RIMKLA: variants seen among roughly 807,000 people sequenced by gnomAD.
The protein encoded by RIMKLA is N-acetylaspartylglutamate synthase A.
RIMKLA carries 14 observed loss-of-function variants against 32.7 expected under a neutral mutation model. The observed-to-expected ratio is 0.43, with a 90% CI of 0.28 to 0.67. The LOEUF (loss-of-function observed/expected upper bound fraction) is 0.67, where lower values mean the gene tolerates loss of function less well. Among genes scored for constraint, RIMKLA ranks in the 30% least tolerant of loss-of-function variants. RIMKLA has a pLI of 0.18. For missense variants in RIMKLA, 410 were observed against 519.0 expected, an observed-to-expected ratio of 0.79 and a Z score of 2.04; for synonymous variants, 176 against 204.1, an observed-to-expected ratio of 0.86 and a Z score of 1.18.
chr1:42,403,077 T>G (rs907071575), intron 2 of RIMKLA, among the ~76,000 whole-genome samples: 1 of 152,124 alleles, frequency 6.6e-6, no homozygotes, highest in African/African-American at 2.4e-5. Flanking sequence ...AACTAGGAAG[T>G]AAACAAAAAG....
rs762505750 is a variant in RIMKLA, at chr1:42,410,136, T to G, written c.634T>G (p.Ser212Ala). The G allele has an allele frequency of 2.5e-6, 4 of 1,614,020 alleles. No homozygotes were observed. Among genetic ancestry groups the G allele is most frequent in the Admixed American group, 3.3e-5 (2 of 59,988 alleles). ...GGTGGTAGGGGGCCAGGTCATAGGC[T>G]CTATGCTTCGCTGCTCCACTGATGG... ...VVVVGGQVIG[S>A]MLRCSTDGRM... Residue 212 changes from serine to alanine, a missense_variant, in exon 4 of 5, where the codon TCT (serine) becomes GCT (alanine). By Grantham distance (99) the Ser-to-Ala change is moderately conservative. Coordinates refer to ENST00000431473, the MANE Select transcript of RIMKLA (RefSeq NM_173642.4).
chr1:42,416,937 T>C lies in RIMKLA; in HGVS notation c.*1963T>C, dbSNP rs1490583180. ...TGCCACTGAACTGTAACCCTAGTAA[T>C]GTGTCTTGTACAGTTGAAAAATAAT... On this transcript the variant is annotated 3_prime_UTR_variant, in exon 5 of 5. Coordinates refer to ENST00000431473, the MANE Select transcript of RIMKLA (RefSeq NM_173642.4). The C allele has an allele frequency of 6.6e-6, 1 of 152,214 alleles. No homozygotes were observed. Among genetic ancestry groups the C allele is most frequent in the African/African-American group, 2.4e-5 (1 of 41,462 alleles). The allele number at this position is 152,214 out of a possible 1,614,324, so 9.4% of individuals were successfully genotyped here.
At chr1:42,407,827 A>T (rs939153434) in intron 3 of RIMKLA, among the ~76,000 whole-genome samples, 2 of 152,234 alleles carry the variant, frequency 1.3e-5, no homozygotes, top group South Asian at 4.1e-4. Flanking sequence ...GAAATAATAA[A>T]AAATCAAACT....
rs372150019 is a variant in RIMKLA, at chr1:42,414,784, G to A, written c.986G>A (p.Cys329Tyr). The change falls in exon 5 of 5, where the codon TGT becomes TAT. Residue 329 changes from cysteine (C) to tyrosine (Y), a missense_variant. Physicochemically the swap from Cys to Tyr is radical, Grantham distance 194. Coordinates refer to ENST00000431473, the MANE Select transcript of RIMKLA (RefSeq NM_173642.4). ...AGGGAGAAGAACGAGCCGGATGGCT[G>A]TGCTTCAGCTCAGGGAGTTGCAGAG... The part of the protein sequence containing the change: ...SPREKNEPDG[C>Y]ASAQGVAESV... 2.0e-5 allele frequency: 33 copies of A among 1,614,206 alleles called. No individual in the cohort carries two copies. Among genetic ancestry groups the A allele is most frequent in the Non-Finnish European group, 2.5e-5 (30 of 1,180,016 alleles).
chr1:42,415,600 G>A lies in RIMKLA; in HGVS notation c.*626G>A, dbSNP rs912177460. The stretch of plus-strand genomic sequence containing the variant: ...GACTTCACAGGTTGGCAAATGTCCT[G>A]CTTTGTAACTGGGCCTTTCTACAAA... On this transcript the variant is annotated 3_prime_UTR_variant, in exon 5 of 5. Coordinates refer to ENST00000431473, the MANE Select transcript of RIMKLA (RefSeq NM_173642.4). 1 of 152,234 alleles carries A rather than the reference G, an allele frequency of 6.6e-6. No homozygotes were observed. The highest frequency in any genetic ancestry group is 1.5e-5 in the Non-Finnish European group (1 of 68,080). 9.4% of individuals were successfully genotyped at this position (152,234 alleles called of 1,614,324 possible).
chr1:42,388,518 T>G (rs931295065), intron 1 of RIMKLA, among the ~76,000 whole-genome samples: 2 of 38,542 alleles, frequency 5.2e-5, no homozygotes, highest in Non-Finnish European at 1.3e-4. Flanking sequence ...TGAAAGCTTG[T>G]TTTTTTTTTT....
rs1643298909 is a variant in RIMKLA at position 42,421,963 on chromosome 1, C to A, written c.*6989C>A. On this transcript the variant is annotated 3_prime_UTR_variant, in exon 5 of 5. Transcript: ENST00000431473. This position sits in a 1 kb window ranked among gnomAD's most constrained non-coding sequence, Gnocchi z 4.6. ...CACATCTCTTCCCAACCTGAACATTCAGTGACATCACATCAGTAGCTGGGG... is the reference window on the plus strand; with the variant it reads ...CACATCTCTTCCCAACCTGAACATTAAGTGACATCACATCAGTAGCTGGGG... The A allele has an allele frequency of 6.6e-6, 1 of 152,146 alleles. No homozygotes were observed. The highest frequency in any genetic ancestry group is 1.5e-5 in the Non-Finnish European group (1 of 68,028). The allele number at this position is 152,146 out of a possible 1,614,324, so 9.4% of individuals were successfully genotyped here. A position where few individuals can be genotyped will look rare whatever the true frequency, so the allele number is the denominator to read the frequency against.
chr1:42,385,769 T>TTC (rs777161016), intron 1 of RIMKLA, among the ~76,000 whole-genome samples: 13 of 100,372 alleles, frequency 1.3e-4, no homozygotes, highest in Admixed American at 6.5e-4. Context: ...CTTTCTTTCT[T>TTC]TGTTTCTTTG....
At chr1:42,386,061 AC>A (rs1406775872) in intron 1 of RIMKLA, among the ~76,000 whole-genome samples, 2 of 151,548 alleles carry the variant, frequency 1.3e-5, no homozygotes, top group Non-Finnish European at 2.9e-5. Flanking sequence ...ATCTGGGACT[AC>A]AGGCATGTGC....
Position 42,410,088 on chromosome 1 carries a change from C to T in RIMKLA, c.586C>T (p.His196Tyr), listed in dbSNP as rs1367932020. 1 of 1,614,162 alleles carries T rather than the reference C, an allele frequency of 6.2e-7. No homozygotes were observed. The highest frequency in any genetic ancestry group is 1.3e-5 in the African/African-American group (1 of 75,044). The change falls in exon 4 of 5, where the codon CAT becomes TAT. Residue 196 changes from histidine (H) to tyrosine (Y), a missense_variant. His to Tyr is a moderately conservative substitution (Grantham distance 83, BLOSUM62 2). Transcript: ENST00000431473. ...YLFQKYVKES[H>Y]GKDIRVVVVG... is the part of the protein sequence containing the mutation. ...GTTCCAGAAGTACGTGAAGGAGTCC[C>T]ATGGAAAGGACATCCGGGTGGTGGT...
chr1:42,409,490 C>A (rs1436360827), intron 3 of RIMKLA, among the ~76,000 whole-genome samples: 2 of 152,150 alleles, frequency 1.3e-5, no homozygotes, highest in African/African-American at 4.8e-5. Context: ...TTTGGGATCT[C>A]TCTCCATCTA....
Position 42,414,686 on chromosome 1 carries a change from A to G in RIMKLA, c.888A>G (p.Ala296=), listed in dbSNP as rs946247303. ...ACTTAGATGTGGGTGGGATCATTGC[A>G]GACTATACCATGTCCTTGCTGCCAA... is the stretch of plus-strand genomic sequence containing the variant. ...ACNLDVGGII[A]DYTMSLLPNR... is the part of the protein sequence containing the mutation. Residue 296 remains alanine (A), a synonymous_variant, in exon 5 of 5, where the codon GCA becomes GCG. Coordinates refer to ENST00000431473, the MANE Select transcript of RIMKLA (RefSeq NM_173642.4). 1.9e-6 allele frequency: 3 copies of G among 1,614,222 alleles called. No individual in the cohort carries two copies. Among genetic ancestry groups the G allele is most frequent in the Non-Finnish European group, 2.5e-6 (3 of 1,180,034 alleles).
chr1:42,408,613 G>T (rs1395895116), intron 3 of RIMKLA, among the ~76,000 whole-genome samples: 1 of 151,950 alleles, frequency 6.6e-6, no homozygotes, highest in African/African-American at 2.4e-5. Context: ...TAGAGATGGG[G>T]TTTCTCCATG....
chr1:42,381,087 C>A lies in RIMKLA; in HGVS notation c.153C>A (p.Gly51=). 8.0e-7 allele frequency: 1 copy of A among 1,257,840 alleles called. No individual in the cohort carries two copies. The highest frequency in any genetic ancestry group is 1.0e-6 in the Non-Finnish European group (1 of 997,770). 77.9% of individuals were successfully genotyped at this position (1,257,840 alleles called of 1,614,324 possible). A position where few individuals can be genotyped will look rare whatever the true frequency, so the allele number is the denominator to read the frequency against. The change falls in exon 1 of 5, where the codon GGC becomes GGA. Residue 51 remains glycine, a synonymous_variant. Coordinates refer to ENST00000431473, the MANE Select transcript of RIMKLA (RefSeq NM_173642.4). ...ACCAGATCGCCGTCACCATCGTCGG[C>A]GGCCACCTCGGTGAGCGAGGCGGGC... is the stretch of plus-strand genomic sequence containing the variant. ...LMDQIAVTIV[G]GHLGLQLNQK...
At chr1:42,398,906 G>A (rs550779315) in intron 1 of RIMKLA, among the ~76,000 whole-genome samples, 99 of 147,468 alleles carry the variant, frequency 6.7e-4, no homozygotes, top group Non-Finnish European at 1.1e-3. Context: ...GGCAGAGGTC[G>A]CAGTGAGCCA....
intron 1 of RIMKLA, among the ~76,000 whole-genome samples, chr1:42,397,151 A>G (rs1490151105): frequency 6.6e-6 from 1 of 152,150 alleles, no homozygotes; most frequent in Non-Finnish European, 1.5e-5. Flanking sequence ...TATTGTAATG[A>G]TTGTTCCTAC....
intron 1 of RIMKLA, among the ~76,000 whole-genome samples, chr1:42,393,415 T>C (rs1161040716): frequency 6.6e-6 from 1 of 152,250 alleles, no homozygotes; most frequent in Non-Finnish European, 1.5e-5. Flanking sequence ...TTCAACTTTG[T>C]ATTCCTGCTT....
chr1:42,383,655 A>G (rs1642910614), intron 1 of RIMKLA, among the ~76,000 whole-genome samples: 1 of 152,218 alleles, frequency 6.6e-6, no homozygotes, highest in South Asian at 2.1e-4. Flanking sequence ...ATTATTTACC[A>G]TTTGAGAACT....
In RIMKLA at chr1:42,410,192, G is replaced by A. The variant is rs1643185483; in HGVS notation, c.685+5G>A. ...TGCAGAGCAACTGCTCTCTCGGTAA[G>A]GTATAAAAGCACAGGGTTTTATTAG... On this transcript the variant is annotated splice_donor_5th_base_variant and intron_variant, in intron 4 of 4. Coordinates refer to ENST00000431473, the MANE Select transcript of RIMKLA (RefSeq NM_173642.4). 2 of 1,613,418 alleles carry A rather than the reference G, an allele frequency of 1.2e-6. No individual in the cohort carries two copies. Among genetic ancestry groups the A allele is most frequent in the Non-Finnish European group, 1.7e-6 (2 of 1,179,528 alleles).
Sources: gnomAD v4.1 joint callset for allele counts (sites outside exome capture counted in the v4.1 genomes callset) on GRCh38, gnomAD v4.1.1 for gene constraint, Gnocchi (gnomAD v3.1) non-coding constraint, MANE v1.5 for transcripts, NCBI Gene and HGNC (gene_info 2026-07-23, HGNC 2026-07-21) for gene names.